The following SEMA6D variants were observed in gnomAD, a reference collection of about 807,000 sequenced individuals.
SEMA6D encodes the protein semaphorin-6D.
SEMA6D carries 35 observed loss-of-function variants against 106.6 expected under a neutral mutation model. The observed-to-expected ratio is 0.33, with a 90% CI of 0.25 to 0.44. The LOEUF is 0.44. SEMA6D is among the 20% of genes least tolerant of loss of function. The pLI, the probability that SEMA6D is intolerant of heterozygous loss-of-function variation, is 1.00. For synonymous variants in SEMA6D, 499 were observed against 487.7 expected (o/e 1.02, Z -0.31); for missense variants, 1,185 against 1,345.9 (o/e 0.88, Z 1.87).
chr15:47,264,724 A>C (rs1038331946), intron 1 of SEMA6D, among the ~76,000 whole-genome samples: 1 of 152,036 alleles, frequency 6.6e-6, no homozygotes, highest in African/African-American at 2.4e-5. Context: ...ATTAAATATG[A>C]TGCTACCTGT....
At chr15:47,313,737 A>T (rs1168175476) in intron 1 of SEMA6D, among the ~76,000 whole-genome samples, 1 of 152,144 alleles carries the variant, frequency 6.6e-6, no homozygotes, top group Non-Finnish European at 1.5e-5. Flanking sequence ...GCTAAAAACT[A>T]GCTGAGTATA....
intron 2 of SEMA6D, among the ~76,000 whole-genome samples, chr15:47,438,400 T>C (rs2041786888): frequency 6.6e-6 from 1 of 152,098 alleles, no homozygotes; most frequent in Non-Finnish European, 1.5e-5. Flanking sequence ...TTACTACTTC[T>C]CTACTGAAAA....
chr15:47,282,241 A>G (rs542109603), intron 1 of SEMA6D, among the ~76,000 whole-genome samples: 12 of 152,176 alleles, frequency 7.9e-5, no homozygotes, highest in African/African-American at 1.7e-4. Context: ...CCCACCAACA[A>G]TAACCACTTT....
chr15:47,400,488 C>CAAAAAA (rs375822492), intron 1 of SEMA6D, among the ~76,000 whole-genome samples: 5 of 119,150 alleles, frequency 4.2e-5, no homozygotes, highest in Non-Finnish European at 5.2e-5. Flanking sequence ...GACTCTGTCT[C>CAAAAAA]AAAAAAAAAA....
intron 3 of SEMA6D, among the ~76,000 whole-genome samples, chr15:47,471,931 TCACACACACACACACACA>T (rs1168586101): frequency 8.2e-6 from 1 of 121,436 alleles, no homozygotes; most frequent in South Asian, 3.0e-4. Context: ...TCTCTCTCTC[TCACACACACACACACACA>T]CACACACACA....
Position 47,638,731 on chromosome 15 carries a change from C to T in SEMA6D, c.-55+37835C>T, listed in dbSNP as rs369983941. On this transcript the variant is annotated intron_variant, in intron 4 of 19. Coordinates refer to the SEMA6D transcript ENST00000558014. ...GGATTGGCACATGACACCAAGGAGG[C>T]GCTTCCTCTCTGCTCTCCCTCCGCA... Among the ~76,000 whole-genome samples, 9 of 152,194 alleles carry T rather than the reference C, an allele frequency of 5.9e-5. 1 individual carries two copies. The highest frequency in any genetic ancestry group is 3.9e-4 in the Admixed American group (6 of 15,282).
At chr15:47,473,113 A>C (rs560519664) in intron 3 of SEMA6D, among the ~76,000 whole-genome samples, 1 of 152,320 alleles carries the variant, frequency 6.6e-6, no homozygotes, top group African/African-American at 2.4e-5. Context: ...ATGCTTTGCT[A>C]ATCCTTTGGA....
intron 4 of SEMA6D, among the ~76,000 whole-genome samples, chr15:47,635,889 C>T (rs2077378246): frequency 6.6e-6 from 1 of 150,848 alleles, no homozygotes; most frequent in East Asian, 2.0e-4. Context: ...CAGAAATTCT[C>T]TTCTGGTGTT....
At chr15:47,389,984 A>G (rs1482344795) in intron 1 of SEMA6D, among the ~76,000 whole-genome samples, 2 of 152,202 alleles carry the variant, frequency 1.3e-5, no homozygotes, top group Non-Finnish European at 2.9e-5. Context: ...AAACACTTCA[A>G]TTGTTTTTTC....
intron 1 of SEMA6D, among the ~76,000 whole-genome samples, chr15:47,381,281 AGGCATCATATTCGT>A (rs1413525540): frequency 6.6e-6 from 1 of 152,262 alleles, no homozygotes; most frequent in Non-Finnish European, 1.5e-5. Flanking sequence ...ATCCAATTAG[AGGCATCATATTCGT>A]GGCTTTGGCT....
intron 2 of SEMA6D, among the ~76,000 whole-genome samples, chr15:47,467,986 A>G (rs1178345449): frequency 6.6e-6 from 1 of 152,034 alleles, no homozygotes; most frequent in East Asian, 1.9e-4. Flanking sequence ...TTGTTTTGAG[A>G]CAGTTAATGT....
At chr15:47,459,157 G>GA in intron 2 of SEMA6D, among the ~76,000 whole-genome samples, 1 of 152,184 alleles carries the variant, frequency 6.6e-6, no homozygotes, top group South Asian at 2.1e-4. Context: ...ACTGAAGCCA[G>GA]AGATTCTTCT....
At chr15:47,664,182 A>C (rs1347771566) in intron 4 of SEMA6D, among the ~76,000 whole-genome samples, 1 of 152,166 alleles carries the variant, frequency 6.6e-6, no homozygotes, top group East Asian at 1.9e-4. Flanking sequence ...CTCAACTATC[A>C]TACATTTATA....
intron 1 of SEMA6D, among the ~76,000 whole-genome samples, chr15:47,376,344 G>T (rs1046714300): frequency 1.3e-5 from 2 of 152,176 alleles, no homozygotes; most frequent in African/African-American, 4.8e-5. Flanking sequence ...TCAGCTTGCT[G>T]CTGAGCACAG....
At chr15:47,620,259 A>T (rs779822739) in intron 4 of SEMA6D, among the ~76,000 whole-genome samples, 17 of 151,748 alleles carry the variant, frequency 1.1e-4, no homozygotes, top group Non-Finnish European at 2.4e-4. Flanking sequence ...TGAATTTTTT[A>T]AATGGATATG....
chr15:47,281,622 C>T lies in SEMA6D; in HGVS notation c.-239+97204C>T, dbSNP rs570687517. 1.7e-4 allele frequency among the ~76,000 whole-genome samples: 26 copies of T among 152,170 alleles called. 1 individual carries two copies. In the South Asian group the frequency reaches 5.0e-3, roughly 29 times the overall value. On this transcript the variant is annotated intron_variant, in intron 1 of 19. Coordinates refer to the SEMA6D transcript ENST00000558014. ...TTAGTTGATGCAGTTTCTTCCTAGTCTCAATGGTCTTTACATTTTGGCATG... is the reference window on the plus strand; with the variant it reads ...TTAGTTGATGCAGTTTCTTCCTAGTTTCAATGGTCTTTACATTTTGGCATG...
chr15:47,752,744 C>T (rs148230269), intron 1 of SEMA6D, among the ~76,000 whole-genome samples: 1 of 152,250 alleles, frequency 6.6e-6, no homozygotes, highest in East Asian at 1.9e-4. Context: ...CACAGTGGCT[C>T]ACGCCTGTAA....
At chr15:47,210,068 GC>G (rs1895376144) in intron 1 of SEMA6D, among the ~76,000 whole-genome samples, 1 of 152,072 alleles carries the variant, frequency 6.6e-6, no homozygotes, top group African/African-American at 2.4e-5. Flanking sequence ...AAGATGTTAG[GC>G]CTTTTACCCA....
intron 1 of SEMA6D, among the ~76,000 whole-genome samples, chr15:47,216,269 ATTTG>A (rs1346894080): frequency 6.6e-6 from 1 of 152,206 alleles, no homozygotes. Context: ...TTTACTAATT[ATTTG>A]TTTGACAGAC....
Sources: allele counts gnomAD v4.1 joint callset (sites outside exome capture counted in the v4.1 genomes callset), GRCh38; gene constraint gnomAD v4.1.1; transcripts MANE v1.5; gene names NCBI Gene and HGNC (gene_info 2026-07-23, HGNC 2026-07-21).